Variants in ZC3H3 observed in about 807,000 individuals in gnomAD.
The protein encoded by ZC3H3 is zinc finger CCCH-type containing 3.
A neutral mutation model predicts 77.3 loss-of-function variants in ZC3H3; 36 were observed. The observed-to-expected ratio is 0.47, with a 90% CI of 0.36 to 0.61. The LOEUF (loss-of-function observed/expected upper bound fraction) is 0.61. Among genes scored for constraint, ZC3H3 ranks in the 20% least tolerant of loss-of-function variants. The pLI, the probability that ZC3H3 is intolerant of heterozygous loss-of-function variation, is 0.00. For missense variants in ZC3H3, 1,331 were observed against 1,312.2 expected, an observed-to-expected ratio of 1.01 and a Z score of -0.22; for synonymous variants, 626 against 555.2, an observed-to-expected ratio of 1.13 and a Z score of -1.79.
chr8:143,512,569 T>G (rs1260310038), intron 3 of ZC3H3, among the ~76,000 whole-genome samples: 3 of 152,048 alleles, frequency 2.0e-5, no homozygotes, highest in Non-Finnish European at 4.4e-5. Flanking sequence ...AGTACGGCCG[T>G]GAATGCCCCA....
rs115204808 is a variant in ZC3H3, at chr8:143,519,951, C to T, written c.1562-12052G>A. ...GCCAGCCCCATGCCATCCCAACAGACGCAAACCACCCCCCAGCCTGCCTAG... is the reference window on the plus strand; with the variant it reads ...GCCAGCCCCATGCCATCCCAACAGATGCAAACCACCCCCCAGCCTGCCTAG... On this transcript the variant is annotated intron_variant, in intron 3 of 11. Transcript: ENST00000262577. 9.7e-3 allele frequency among the ~76,000 whole-genome samples: 1,475 copies of T among 152,302 alleles called. 23 individuals are homozygous for T. The highest frequency in any genetic ancestry group is 0.033 in the African/African-American group (1,390 of 41,566).
intron 4 of ZC3H3, among the ~76,000 whole-genome samples, chr8:143,483,638 A>G (rs1462358979): frequency 6.6e-6 from 1 of 152,162 alleles, no homozygotes; most frequent in Non-Finnish European, 1.5e-5. Context: ...GGGCAGGGCT[A>G]AATGCTCAAG....
intron 9 of ZC3H3, among the ~76,000 whole-genome samples, chr8:143,449,887 C>T (rs1406957187): frequency 6.6e-6 from 1 of 151,662 alleles, no homozygotes; most frequent in Admixed American, 6.6e-5. Flanking sequence ...ACCTTTGCTC[C>T]AGTTCCCAAT....
rs1218380814 is a variant in ZC3H3, at chr8:143,530,849, C to G, written c.1561+5408G>C. 1.3e-5 allele frequency among the ~76,000 whole-genome samples: 2 copies of G among 152,170 alleles called. No individual in the cohort carries two copies. Among genetic ancestry groups the G allele is most frequent in the Non-Finnish European group, 2.9e-5 (2 of 68,028 alleles). On this transcript the variant is annotated intron_variant, in intron 3 of 11. Transcript: ENST00000262577. This position sits in a 1 kb window ranked among gnomAD's most constrained non-coding sequence, Gnocchi z 4.3. ...TTCTTCTCTTCTGCCCAAATGCCCCCTCTAGCATCGGTCCACCAGAGACAG... is the reference window on the plus strand; with the variant it reads ...TTCTTCTCTTCTGCCCAAATGCCCCGTCTAGCATCGGTCCACCAGAGACAG...
chr8:143,507,866 G>A lies in ZC3H3; in HGVS notation c.1595C>T (p.Thr532Ile). ...GTAGCGGGTCTTGATCACCTTGCTG[G>A]TGGGTGCAGTCCGCACGGCATGCAG... The part of the protein sequence containing the change: ...SSLHAVRTAP[T>I]SKVIKTRYRI... Residue 532 changes from threonine to isoleucine, a missense_variant, in exon 4 of 12, where the codon ACC becomes ATC. Coordinates refer to ENST00000262577, the MANE Select transcript of ZC3H3 (RefSeq NM_015117.3). 6.2e-7 allele frequency: 1 copy of A among 1,609,398 alleles called. No homozygotes were observed. The highest frequency in any genetic ancestry group is 1.3e-5 in the African/African-American group (1 of 74,930).
At chr8:143,461,629 A>C (rs960183405) in intron 9 of ZC3H3, among the ~76,000 whole-genome samples, 2 of 152,150 alleles carry the variant, frequency 1.3e-5, no homozygotes, top group African/African-American at 4.8e-5. Flanking sequence ...AAGTGTGGAG[A>C]GCCTCTGCAG....
rs1204014410 is a variant in ZC3H3, at chr8:143,530,250, C to T, written c.1561+6007G>A. Among the ~76,000 whole-genome samples the T allele has an allele frequency of 1.3e-5, 2 of 152,136 alleles. No individual in the cohort carries two copies. ...CTGCCAGGCCCGCACCCTCCACCAG[C>T]ACACTGGCGACAAGTCTGGGAAGGC... On this transcript the variant is annotated intron_variant, in intron 3 of 11. Transcript: ENST00000262577. This position sits in a 1 kb window ranked among gnomAD's most constrained non-coding sequence, Gnocchi z 4.3.
chr8:143,513,104 T>A (rs1821925007), intron 3 of ZC3H3, among the ~76,000 whole-genome samples: 1 of 151,452 alleles, frequency 6.6e-6, no homozygotes, highest in Admixed American at 6.6e-5. Context: ...GCACTGGGAG[T>A]CAGGGCCAGA....
intron 3 of ZC3H3, among the ~76,000 whole-genome samples, chr8:143,516,956 G>A (rs7841795): frequency 0.11 from 16,030 of 152,186 alleles, 1,022 homozygotes; most frequent in African/African-American, 0.18. Flanking sequence ...GCTGTCAGCC[G>A]CCCTGTCCCC....
At chr8:143,477,971 C>A (rs780167130) in intron 4 of ZC3H3, among the ~76,000 whole-genome samples, 19 of 152,158 alleles carry the variant, frequency 1.2e-4, no homozygotes, top group Non-Finnish European at 2.4e-4. Context: ...CAGCTCCCTG[C>A]CTCCCCACAG....
intron 9 of ZC3H3, among the ~76,000 whole-genome samples, chr8:143,443,284 C>CAAAAAAAAAA (rs34765299): frequency 1.6e-5 from 1 of 61,960 alleles, no homozygotes; most frequent in African/African-American, 5.9e-5. Context: ...GACCCTGTCT[C>CAAAAAAAAAA]AAAAAAAAAA....
chr8:143,485,460 G>C (rs1250867744), intron 4 of ZC3H3, among the ~76,000 whole-genome samples: 2 of 152,190 alleles, frequency 1.3e-5, no homozygotes, highest in African/African-American at 4.8e-5. Flanking sequence ...GCACCTGAGT[G>C]GGTCAGGATC....
intron 3 of ZC3H3, among the ~76,000 whole-genome samples, chr8:143,518,404 T>C (rs143085871): frequency 1.4e-3 from 213 of 152,366 alleles, no homozygotes; most frequent in African/African-American, 4.8e-3. Context: ...AATCCTCTTC[T>C]GCTTCCTCTG....
At chr8:143,497,514 GACCAGCACCGCCTGCCCCTGTCCC>G (rs1459010832) in intron 4 of ZC3H3, among the ~76,000 whole-genome samples, 1 of 152,316 alleles carries the variant, frequency 6.6e-6, no homozygotes, top group Admixed American at 6.5e-5. Context: ...AACAGCCCAG[GACCAGCACCGCCTGCCCCTGTCCC>G]ATCCTGGCAG....
chr8:143,514,632 C>A (rs1361238039), intron 3 of ZC3H3, among the ~76,000 whole-genome samples: 1 of 152,226 alleles, frequency 6.6e-6, no homozygotes. Context: ...CAAACCTGTA[C>A]CCTGCTCTCG....
chr8:143,491,038 T>C (rs1198917192), intron 4 of ZC3H3, among the ~76,000 whole-genome samples: 1 of 152,256 alleles, frequency 6.6e-6, no homozygotes, highest in East Asian at 1.9e-4. Context: ...TATTTCTTCC[T>C]GTCAGGGGTG....
In ZC3H3 at chr8:143,437,735, A is replaced by G. The variant is rs541730339; in HGVS notation, c.*321T>C. On this transcript the variant is annotated 3_prime_UTR_variant, in exon 12 of 12. Transcript: ENST00000262577. ...GGCCAGTGGCCTCTTCACTGGGCCG[A>G]AAACCTGGGTGGGGAGGGCTGGGGG... 1 of 437,522 alleles carries G rather than the reference A, an allele frequency of 2.3e-6. No individual in the cohort carries two copies. The highest frequency in any genetic ancestry group is 2.7e-5 in the South Asian group (1 of 36,598). The allele number at this position is 437,522 out of a possible 1,614,324, so 27.1% of individuals were successfully genotyped here. A position where few individuals can be genotyped will look rare whatever the true frequency, so the allele number is the denominator to read the frequency against.
Position 143,494,071 on chromosome 8 carries a change from G to A in ZC3H3, c.1715+13675C>T, listed in dbSNP as rs560696394. On this transcript the variant is annotated intron_variant, in intron 4 of 11. Transcript: ENST00000262577. The surrounding 1 kb of genome is among the most constrained non-coding windows in gnomAD (Gnocchi z 5.3). Reference sequence around the variant, plus strand: ...TGCCGGAGTCCTGCCTCAGCAGCACGTGGGGAAGCCTGGGGAGTGGGAGGG... The same window carrying A: ...TGCCGGAGTCCTGCCTCAGCAGCACATGGGGAAGCCTGGGGAGTGGGAGGG... 4.6e-5 allele frequency among the ~76,000 whole-genome samples: 7 copies of A among 152,304 alleles called. No individual in the cohort carries two copies. Among genetic ancestry groups the A allele is most frequent in the East Asian group, 1.9e-4 (1 of 5,180 alleles).
intron 4 of ZC3H3, among the ~76,000 whole-genome samples, chr8:143,506,134 C>A (rs1368800001): frequency 6.6e-6 from 1 of 152,246 alleles, no homozygotes; most frequent in African/African-American, 2.4e-5. Context: ...CCCTCCTGGG[C>A]AGGCCCAGCT....
Sources: allele counts gnomAD v4.1 joint callset (sites outside exome capture counted in the v4.1 genomes callset), GRCh38; gene constraint gnomAD v4.1.1; non-coding constraint Gnocchi (gnomAD v3.1); transcripts MANE v1.5; gene names NCBI Gene and HGNC (gene_info 2026-07-23, HGNC 2026-07-21).